Variants in NAALADL2 observed in about 807,000 individuals in gnomAD.
NAALADL2 encodes inactive N-acetylated-alpha-linked acidic dipeptidase-like protein 2.
A neutral mutation model predicts 87.2 loss-of-function variants in NAALADL2; 76 were observed. That is an observed-to-expected ratio of 0.87 (90% CI 0.72 to 1.05). NAALADL2 has a LOEUF of 1.05. NAALADL2 is among the 50% of genes least tolerant of loss of function. NAALADL2 has a pLI of 0.00. For missense variants in NAALADL2, 1,089 were observed against 945.8 expected (o/e 1.15, Z -1.99); for synonymous variants, 354 against 331.0 (o/e 1.07, Z -0.75).
intron 1 of NAALADL2, among the ~76,000 whole-genome samples, chr3:174,885,642 C>T (rs1157582710): frequency 6.6e-6 from 1 of 151,964 alleles, no homozygotes; most frequent in East Asian, 1.9e-4. Flanking sequence ...ATTAAGCAGC[C>T]AACTCCAGAA....
intron 2 of NAALADL2, among the ~76,000 whole-genome samples, chr3:175,162,108 T>A (rs1199495828): frequency 6.6e-6 from 1 of 152,158 alleles, no homozygotes; most frequent in Non-Finnish European, 1.5e-5. Context: ...AATTACAAGG[T>A]CATAATCTTC....
intron 1 of NAALADL2, among the ~76,000 whole-genome samples, chr3:175,043,804 GA>G (rs1754362122): frequency 6.6e-6 from 1 of 152,088 alleles, no homozygotes; most frequent in Admixed American, 6.6e-5. Flanking sequence ...TTGAAATCAG[GA>G]AGTGTTACTG....
rs1491043029 is a variant in NAALADL2 at position 174,815,833 on chromosome 3, T to TG, written c.-9+78087_-9+78088insG. On this transcript the variant is annotated intron_variant, in intron 3 of 3. Transcript: ENST00000434257. ...AAAGCAGCTAAATTTGACTTTAGTT[T>TG]TTTTTTTTTTTTTTTTTTTTTTTTA... 1.2e-4 allele frequency among the ~76,000 whole-genome samples: 4 copies of TG among 33,498 alleles called. No homozygotes were observed. The African/African-American group carries it at 1.4e-3, about 12-fold the overall frequency. The allele number at this position is 33,498 out of a possible 152,430, so 22.0% of individuals were successfully genotyped here. A position where few individuals can be genotyped will look rare whatever the true frequency, so the allele number is the denominator to read the frequency against.
chr3:174,882,544 CAT>C (rs1437669084), intron 1 of NAALADL2, among the ~76,000 whole-genome samples: 12 of 141,900 alleles, frequency 8.5e-5, no homozygotes, highest in African/African-American at 1.5e-4. Flanking sequence ...TGCATACACA[CAT>C]ATGTACATAT....
chr3:175,730,439 TATATAC>T (rs1447481805), intron 11 of NAALADL2, among the ~76,000 whole-genome samples: 1,313 of 67,010 alleles, frequency 0.02, 41 homozygotes, highest in Non-Finnish European at 0.026. Context: ...TATATATATA[TATATAC>T]ACACATACAC....
chr3:174,687,821 C>T (rs1167438892), intron 2 of NAALADL2, among the ~76,000 whole-genome samples: 1 of 151,990 alleles, frequency 6.6e-6, no homozygotes, highest in Non-Finnish European at 1.5e-5. Context: ...CCATACTGTT[C>T]TCATGGTAGT....
intron 4 of NAALADL2, among the ~76,000 whole-genome samples, chr3:175,270,760 G>T (rs1452995284): frequency 6.6e-6 from 1 of 152,134 alleles, no homozygotes; most frequent in African/African-American, 2.4e-5. Context: ...CTTGATGGAT[G>T]CATATGGAAT....
At chr3:175,760,551 A>C (rs1481850400) in intron 13 of NAALADL2, among the ~76,000 whole-genome samples, 1 of 152,240 alleles carries the variant, frequency 6.6e-6, no homozygotes, top group Non-Finnish European at 1.5e-5. Context: ...AAAATTACAA[A>C]GCATCACAAA....
chr3:174,512,933 A>T (rs972657433), intron 1 of NAALADL2, among the ~76,000 whole-genome samples: 1 of 151,470 alleles, frequency 6.6e-6, no homozygotes, highest in African/African-American at 2.4e-5. Context: ...TTGAACAAAG[A>T]TGACCAGTGC....
chr3:174,529,524 G>T (rs1290128132), intron 1 of NAALADL2, among the ~76,000 whole-genome samples: 2 of 152,212 alleles, frequency 1.3e-5, no homozygotes, highest in Non-Finnish European at 2.9e-5. Context: ...CTCTGTGTGG[G>T]GGTTCTGACC....
chr3:174,972,091 C>T (rs761727511), intron 1 of NAALADL2, among the ~76,000 whole-genome samples: 3 of 152,062 alleles, frequency 2.0e-5, no homozygotes, highest in Non-Finnish European at 2.9e-5. Context: ...TCACAGTCAC[C>T]GCCCCTCCAT....
intron 12 of NAALADL2, among the ~76,000 whole-genome samples, chr3:175,751,432 C>G (rs1415497818): frequency 1.3e-5 from 2 of 152,028 alleles, no homozygotes; most frequent in African/African-American, 4.8e-5. Context: ...AAAGCTGTTA[C>G]AATATTTTTT....
At chr3:174,837,038 A>G (rs116818169) in intron 3 of NAALADL2, among the ~76,000 whole-genome samples, 1 of 152,240 alleles carries the variant, frequency 6.6e-6, no homozygotes, top group African/African-American at 2.4e-5. Context: ...AAATGCCTAC[A>G]TTAAAAAATC....
Position 175,805,435 on chromosome 3 carries a change from A to G in NAALADL2, c.*2232A>G, listed in dbSNP as rs903798924. 4.0e-5 allele frequency: 6 copies of G among 151,868 alleles called. No homozygotes were observed. The highest frequency in any genetic ancestry group is 5.9e-5 in the Non-Finnish European group (4 of 67,880). 9.4% of individuals were successfully genotyped at this position (151,868 alleles called of 1,614,324 possible). On this transcript the variant is annotated 3_prime_UTR_variant, in exon 14 of 14. Coordinates refer to ENST00000454872, the MANE Select transcript of NAALADL2 (RefSeq NM_207015.3). ...TGGTTTTTTATTAGTCTATTAAAAGATACGTGGAGATATTAAATTATACCT... is the reference window on the plus strand; with the variant it reads ...TGGTTTTTTATTAGTCTATTAAAAGGTACGTGGAGATATTAAATTATACCT...
chr3:174,595,184 G>C (rs1560079288), intron 2 of NAALADL2, among the ~76,000 whole-genome samples: 1 of 152,054 alleles, frequency 6.6e-6, no homozygotes, highest in African/African-American at 2.4e-5. Flanking sequence ...TCATGAGCTG[G>C]AGGGTGCCAC....
intron 3 of NAALADL2, among the ~76,000 whole-genome samples, chr3:174,774,279 A>G (rs1216126354): frequency 6.6e-6 from 1 of 152,154 alleles, no homozygotes; most frequent in African/African-American, 2.4e-5. Context: ...AATGTGCCCT[A>G]TCATAGTTCT....
intron 1 of NAALADL2, among the ~76,000 whole-genome samples, chr3:174,496,186 T>G (rs1515591): frequency 0.42 from 63,326 of 151,736 alleles, 14,181 homozygotes; most frequent in East Asian, 0.88. Flanking sequence ...CCCAGCTCAG[T>G]CTGTGCACAT....
chr3:175,721,474 A>G (rs995655307), intron 11 of NAALADL2, among the ~76,000 whole-genome samples: 2 of 152,132 alleles, frequency 1.3e-5, no homozygotes, highest in African/African-American at 4.8e-5. Context: ...GTCACACACT[A>G]TCAAAGAAAG....
At chr3:174,555,987 G>A (rs896735778) in intron 2 of NAALADL2, among the ~76,000 whole-genome samples, 4 of 135,802 alleles carry the variant, frequency 2.9e-5, no homozygotes, top group African/African-American at 1.2e-4. Flanking sequence ...GTGTGTGTGT[G>A]TGTGTGTGTG....
Sources: allele counts gnomAD v4.1 joint callset (sites outside exome capture counted in the v4.1 genomes callset), GRCh38; gene constraint gnomAD v4.1.1; transcripts MANE v1.5; gene names NCBI Gene and HGNC (gene_info 2026-07-23, HGNC 2026-07-21).